Variants in MBNL1 observed in about 807,000 individuals in gnomAD.
The protein encoded by MBNL1 is muscleblind like splicing regulator 1, also known as muscleblind-like protein 1.
A neutral mutation model predicts 42.2 loss-of-function variants in MBNL1; 8 were observed. The ratio of observed to expected loss-of-function variants is 0.19; its 90% CI spans 0.11 to 0.34. The LOEUF (loss-of-function observed/expected upper bound fraction) is 0.34. MBNL1 is among the 10% of genes least tolerant of loss of function. The pLI, the probability that MBNL1 is intolerant of heterozygous loss-of-function variation, is 1.00. For synonymous variants in MBNL1, 169 were observed against 173.9 expected, an observed-to-expected ratio of 0.97 and a Z score of 0.22; for missense variants, 309 against 495.3, an observed-to-expected ratio of 0.62 and a Z score of 3.57.
At chr3:152,437,637 A>G (rs1486933322) in intron 4 of MBNL1, among the ~76,000 whole-genome samples, 6 of 152,184 alleles carry the variant, frequency 3.9e-5, no homozygotes, top group South Asian at 4.1e-4. Flanking sequence ...AATTATATAC[A>G]TATATCTATA....
chr3:152,368,207 C>T (rs997595629), intron 2 of MBNL1, among the ~76,000 whole-genome samples: 1 of 151,998 alleles, frequency 6.6e-6, no homozygotes, highest in Non-Finnish European at 1.5e-5. Flanking sequence ...AGGAAGGGGT[C>T]CAGTTTCAGT....
chr3:152,348,460 TAAAG>T (rs1458345900), intron 2 of MBNL1, among the ~76,000 whole-genome samples: 2 of 152,136 alleles, frequency 1.3e-5, no homozygotes, highest in Admixed American at 6.6e-5. Context: ...AGAATTCACT[TAAAG>T]AACCCTGGTG....
intron 1 of MBNL1, among the ~76,000 whole-genome samples, chr3:152,278,928 G>A (rs1050342539): frequency 6.6e-6 from 1 of 152,050 alleles, no homozygotes; most frequent in Non-Finnish European, 1.5e-5. Context: ...CTTAATGCAA[G>A]GCACTATACA....
intron 2 of MBNL1, among the ~76,000 whole-genome samples, chr3:152,406,072 A>G (rs1254191551): frequency 1.3e-5 from 2 of 152,214 alleles, no homozygotes; most frequent in Non-Finnish European, 1.5e-5. Flanking sequence ...GCACCTACCA[A>G]ATGTCACTGG....
At chr3:152,378,518 G>A (rs2097023706) in intron 2 of MBNL1, among the ~76,000 whole-genome samples, 1 of 151,860 alleles carries the variant, frequency 6.6e-6, no homozygotes, top group Non-Finnish European at 1.5e-5. Context: ...ATTTCTACCT[G>A]GTATTTATGT....
intron 2 of MBNL1, among the ~76,000 whole-genome samples, chr3:152,313,177 C>T (rs2068041264): frequency 1.3e-5 from 2 of 152,114 alleles, no homozygotes; most frequent in South Asian, 4.1e-4. Context: ...CGTGCACCAC[C>T]ACACCTGGCT....
At chr3:152,455,131 G>T (rs937343670) in intron 6 of MBNL1, among the ~76,000 whole-genome samples, 9 of 152,130 alleles carry the variant, frequency 5.9e-5, no homozygotes, top group African/African-American at 2.2e-4. Flanking sequence ...AAGTTAATAT[G>T]TGCCTGATAT....
chr3:152,463,027 G>C lies in MBNL1; in HGVS notation c.*661G>C, dbSNP rs1295642583. 6.6e-6 allele frequency: 1 copy of C among 152,406 alleles called. No individual in the cohort carries two copies. Among genetic ancestry groups the C allele is most frequent in the Non-Finnish European group, 1.5e-5 (1 of 67,924 alleles). The allele number at this position is 152,406 out of a possible 1,614,324, so 9.4% of individuals were successfully genotyped here. A position where few individuals can be genotyped will look rare whatever the true frequency, so the allele number is the denominator to read the frequency against. On this transcript the variant is annotated 3_prime_UTR_variant, in exon 10 of 10. Transcript: ENST00000324210. Reference sequence around the variant, plus strand: ...GTACCATGTTGTTAAGGATTCTCATGAAGTGCCATAGACTGTACATCAAAT... The same window carrying C: ...GTACCATGTTGTTAAGGATTCTCATCAAGTGCCATAGACTGTACATCAAAT...
chr3:152,436,505 G>A (rs906845728), intron 4 of MBNL1, among the ~76,000 whole-genome samples: 1 of 152,190 alleles, frequency 6.6e-6, no homozygotes, highest in Non-Finnish European at 1.5e-5. Context: ...TGGATCCTCA[G>A]CATGTGAAGC....
chr3:152,425,609 G>GA (rs377009317), intron 3 of MBNL1, among the ~76,000 whole-genome samples: 485 of 133,284 alleles, frequency 3.6e-3, no homozygotes, highest in Middle Eastern at 7.3e-3. Flanking sequence ...ATCTGTCTCA[G>GA]AAAAAAAAAA....
intron 2 of MBNL1, among the ~76,000 whole-genome samples, chr3:152,354,714 G>C (rs2095380436): frequency 6.6e-6 from 1 of 151,576 alleles, no homozygotes; most frequent in Admixed American, 6.6e-5. Flanking sequence ...TGTTGTGTAA[G>C]AAAAGTAAAT....
chr3:152,417,730 G>A (rs146931869), intron 3 of MBNL1, among the ~76,000 whole-genome samples: 28 of 152,282 alleles, frequency 1.8e-4, no homozygotes, highest in African/African-American at 6.0e-4. Context: ...GAGATTCATA[G>A]TAGTTTACCT....
intron 2 of MBNL1, among the ~76,000 whole-genome samples, chr3:152,384,618 G>A (rs746927281): frequency 6.6e-6 from 1 of 152,086 alleles, no homozygotes; most frequent in Non-Finnish European, 1.5e-5. Flanking sequence ...GCCTGTCACA[G>A]TGCTGGTTAG....
intron 1 of MBNL1, among the ~76,000 whole-genome samples, chr3:152,271,816 A>T (rs1576920010): frequency 6.6e-6 from 1 of 152,252 alleles, no homozygotes; most frequent in South Asian, 2.1e-4. Context: ...GAAATCTAGA[A>T]TGTGCTGTCC....
chr3:152,350,821 T>C (rs769076464), intron 2 of MBNL1, among the ~76,000 whole-genome samples: 18 of 152,136 alleles, frequency 1.2e-4, no homozygotes, highest in Admixed American at 8.5e-4. Flanking sequence ...TTTAAAAATA[T>C]TTTATTTTAA....
chr3:152,405,183 T>A (rs1433275609), intron 2 of MBNL1, among the ~76,000 whole-genome samples: 2 of 152,160 alleles, frequency 1.3e-5, no homozygotes, highest in East Asian at 3.8e-4. Context: ...GTATTAGCAG[T>A]CAATGATTAA....
At chr3:152,303,160 ATAAT>A (rs2061435433) in intron 2 of MBNL1, among the ~76,000 whole-genome samples, 2 of 152,198 alleles carry the variant, frequency 1.3e-5, no homozygotes, top group South Asian at 4.1e-4. Context: ...TAAGGTTTAA[ATAAT>A]TAGATTTAAA....
intron 1 of MBNL1, among the ~76,000 whole-genome samples, chr3:152,287,072 G>A (rs1345259811): frequency 6.6e-6 from 1 of 152,052 alleles, no homozygotes; most frequent in Non-Finnish European, 1.5e-5. Flanking sequence ...ACAAAAAGTA[G>A]CCGGGTGTGG....
intron 4 of MBNL1, among the ~76,000 whole-genome samples, chr3:152,435,180 A>G (rs908227525): frequency 6.6e-6 from 1 of 151,986 alleles, no homozygotes; most frequent in African/African-American, 2.4e-5. Flanking sequence ...TGGGTTTTAC[A>G]TTTAAGCCTT....
Sources: allele counts gnomAD v4.1 joint callset (sites outside exome capture counted in the v4.1 genomes callset), GRCh38; gene constraint gnomAD v4.1.1; transcripts MANE v1.5; gene names NCBI Gene and HGNC (gene_info 2026-07-23, HGNC 2026-07-21).